Variants in COL23A1 observed in about 807,000 individuals in gnomAD.
COL23A1 encodes collagen alpha-1(XXIII) chain.
COL23A1 carries 97 observed loss-of-function variants against 99.3 expected under a neutral mutation model. The ratio of observed to expected loss-of-function variants is 0.98; its 90% CI spans 0.83 to 1.16. COL23A1 has a LOEUF of 1.16. Ranked by LOEUF, COL23A1 falls within the 50% of genes most tolerant of loss-of-function variation. The pLI is 0.00. For synonymous variants in COL23A1, 320 were observed against 308.2 expected (o/e 1.04, Z -0.40); for missense variants, 762 against 757.4 (o/e 1.01, Z -0.07).
chr5:178,246,418 C>T lies in COL23A1; in HGVS notation c.1332G>A (p.Ser444=), dbSNP rs1287884304. Residue 444 remains serine (S), a synonymous_variant, in exon 23 of 29, where the codon TCG becomes TCA. Transcript: ENST00000390654. ...GCAGGCCGCTGGGGCCTCTCTCACC[C>T]GACGCACCCTTCTCTCCCTTTGCTC... ...LDGAKGEKGA[S]GERGPSGLPG... is the part of the protein sequence containing the mutation. 8.9e-6 allele frequency: 14 copies of T among 1,579,612 alleles called. No homozygotes were observed. Among genetic ancestry groups the T allele is most frequent in the African/African-American group, 1.3e-5 (1 of 74,396 alleles).
intron 2 of COL23A1, among the ~76,000 whole-genome samples, chr5:178,442,112 G>A (rs558740335): frequency 3.3e-5 from 5 of 151,844 alleles, no homozygotes; most frequent in African/African-American, 9.7e-5. Context: ...GTCAGACCCC[G>A]AGCCTGGCCC....
chr5:178,278,090 G>C (rs2973763), intron 5 of COL23A1, among the ~76,000 whole-genome samples: 104,371 of 152,162 alleles, frequency 0.69, 36,432 homozygotes, highest in African/African-American at 0.72. Context: ...AGCAGCTGAC[G>C]GGAAGTGTGA....
At chr5:178,482,446 G>A (rs77668212) in intron 2 of COL23A1, among the ~76,000 whole-genome samples, 2,953 of 152,250 alleles carry the variant, frequency 0.019, 116 homozygotes, top group African/African-American at 0.067. Flanking sequence ...CGGGGGCGGG[G>A]CAAAGAGGGG....
At chr5:178,400,677 GCTCTA>G (rs1338221770) in intron 2 of COL23A1, among the ~76,000 whole-genome samples, 1 of 148,212 alleles carries the variant, frequency 6.7e-6, no homozygotes, top group Non-Finnish European at 1.5e-5. Flanking sequence ...ATGGAGTCTT[GCTCTA>G]TCGCCCAGGC....
At chr5:178,352,055 T>C (rs1761357951) in intron 2 of COL23A1, 1 of 152,234 alleles carries the variant, frequency 6.6e-6, no homozygotes, top group Admixed American at 6.5e-5. Flanking sequence ...ACCCGGTCTG[T>C]GGGATTTTGT....
intron 2 of COL23A1, among the ~76,000 whole-genome samples, chr5:178,534,551 C>A (rs112276194): frequency 6.6e-6 from 1 of 152,094 alleles, no homozygotes; most frequent in South Asian, 2.1e-4. Flanking sequence ...GAGGCCAAGG[C>A]GGGCAGATCA....
intron 2 of COL23A1, among the ~76,000 whole-genome samples, chr5:178,391,247 G>A (rs549424321): frequency 1.3e-5 from 2 of 152,164 alleles, no homozygotes; most frequent in African/African-American, 4.8e-5. Flanking sequence ...ACCAGTCCAT[G>A]GCACCAAAAA....
chr5:178,393,058 G>C (rs1284217673), intron 2 of COL23A1, among the ~76,000 whole-genome samples: 1 of 152,246 alleles, frequency 6.6e-6, no homozygotes, highest in Non-Finnish European at 1.5e-5. Context: ...GTGCCTGGCA[G>C]AAAAGCAGCT....
At chr5:178,391,112 G>A (rs1038013687) in intron 2 of COL23A1, among the ~76,000 whole-genome samples, 1 of 152,182 alleles carries the variant, frequency 6.6e-6, no homozygotes, top group Non-Finnish European at 1.5e-5. Context: ...ATTCTCATAG[G>A]AGCATGAACC....
At chr5:178,470,592 G>A (rs1296491135) in intron 2 of COL23A1, among the ~76,000 whole-genome samples, 1 of 152,196 alleles carries the variant, frequency 6.6e-6, no homozygotes, top group Non-Finnish European at 1.5e-5. Context: ...AGAACACAGA[G>A]GTGCAAGACA....
At chr5:178,407,098 A>G (rs1764806158) in intron 2 of COL23A1, among the ~76,000 whole-genome samples, 1 of 152,214 alleles carries the variant, frequency 6.6e-6, no homozygotes, top group Non-Finnish European at 1.5e-5. Context: ...ATAAGTTGGT[A>G]ACTCAGAAAC....
intron 2 of COL23A1, among the ~76,000 whole-genome samples, chr5:178,399,322 G>A (rs1400887509): frequency 6.6e-6 from 1 of 152,336 alleles, no homozygotes; most frequent in Admixed American, 6.5e-5. Flanking sequence ...CCCTGGGAGG[G>A]AGAGGGAGGA....
At chr5:178,368,161 T>A (rs1028816842) in intron 2 of COL23A1, among the ~76,000 whole-genome samples, 1 of 152,194 alleles carries the variant, frequency 6.6e-6, no homozygotes, top group Non-Finnish European at 1.5e-5. Context: ...ACTTGTTTTG[T>A]CTAGAACTTT....
intron 2 of COL23A1, among the ~76,000 whole-genome samples, chr5:178,321,570 A>T (rs1759314301): frequency 1.4e-5 from 2 of 142,162 alleles, no homozygotes; most frequent in South Asian, 4.5e-4. Context: ...GCTCACTGCA[A>T]GCTCCGCCTC....
At chr5:178,582,263 T>C (rs888553453) in intron 1 of COL23A1, among the ~76,000 whole-genome samples, 2 of 147,584 alleles carry the variant, frequency 1.4e-5, no homozygotes, top group Non-Finnish European at 3.0e-5. Flanking sequence ...CAAGCCATTA[T>C]GCCATTTCCC....
At chr5:178,390,890 GA>G (rs1317621771) in intron 2 of COL23A1, among the ~76,000 whole-genome samples, 1 of 152,222 alleles carries the variant, frequency 6.6e-6, no homozygotes, top group Non-Finnish European at 1.5e-5. Flanking sequence ...GTGTTAATAT[GA>G]CACCGAAAGC....
chr5:178,264,575 T>A (rs1765809085), intron 8 of COL23A1, among the ~76,000 whole-genome samples: 1 of 152,152 alleles, frequency 6.6e-6, no homozygotes, highest in Admixed American at 6.5e-5. Flanking sequence ...ACCCAGGTCA[T>A]GGTGCCAGTG....
At position 178,589,318 on chromosome 5, in the gene COL23A1, C is replaced by T. The variant is rs1764149871; in HGVS notation, c.294+586G>A. Among the ~76,000 whole-genome samples the T allele has an allele frequency of 6.6e-6, 1 of 152,078 alleles. No individual in the cohort carries two copies. Among genetic ancestry groups the T allele is most frequent in the African/African-American group, 2.4e-5 (1 of 41,408 alleles). On this transcript the variant is annotated intron_variant, in intron 1 of 28. Coordinates refer to ENST00000390654, the MANE Select transcript of COL23A1 (RefSeq NM_173465.4). The surrounding 1 kb of genome is among the most constrained non-coding windows in gnomAD (Gnocchi z 5.4). ...TTGTTTCTCCTTCCTCTCATCTTACCAAGTCATGTGGGCGCCCCCACCCCC... is the reference window on the plus strand; with the variant it reads ...TTGTTTCTCCTTCCTCTCATCTTACTAAGTCATGTGGGCGCCCCCACCCCC...
intron 17 of COL23A1, 51 bp from the exon 18 acceptor site, chr5:178,250,156 G>T: frequency 1.2e-6 from 2 of 1,609,748 alleles, no homozygotes; most frequent in Non-Finnish European, 1.7e-6. Context: ...TCCTAAAGAG[G>T]TGTCAGCAGC....
Sources: gnomAD v4.1 joint callset for allele counts (sites outside exome capture counted in the v4.1 genomes callset) on GRCh38, gnomAD v4.1.1 for gene constraint, Gnocchi (gnomAD v3.1) non-coding constraint, MANE v1.5 for transcripts, NCBI Gene and HGNC (gene_info 2026-07-23, HGNC 2026-07-21) for gene names.